ERBB4: variants seen among roughly 807,000 people sequenced by gnomAD.
ERBB4 encodes the protein receptor tyrosine-protein kinase erbB-4.
Under a neutral mutation model 158.0 loss-of-function variants are expected in ERBB4, and 42 were observed. That is an observed-to-expected ratio of 0.27 (90% CI 0.21 to 0.34). ERBB4 has a LOEUF of 0.34. Ranked by LOEUF, ERBB4 falls within the 10% of genes least tolerant of loss-of-function variation. ERBB4 has a pLI of 1.00. For missense variants in ERBB4, 1,333 were observed against 1,624.1 expected (o/e 0.82, Z 3.08); for synonymous variants, 583 against 558.7 (o/e 1.04, Z -0.61).
At chr2:211,863,201 A>G (rs762848598) in intron 3 of ERBB4, among the ~76,000 whole-genome samples, 6 of 149,732 alleles carry the variant, frequency 4.0e-5, no homozygotes, top group Non-Finnish European at 7.4e-5. Context: ...AAACGCACCA[A>G]TCAGTGCTCT....
chr2:212,274,502 T>C (rs1007595257), intron 1 of ERBB4, among the ~76,000 whole-genome samples: 5 of 151,832 alleles, frequency 3.3e-5, no homozygotes, highest in Admixed American at 1.3e-4. Context: ...CTCACCACAA[T>C]AGCAACTAGC....
chr2:212,527,770 T>C (rs1312295479), intron 1 of ERBB4, among the ~76,000 whole-genome samples: 1 of 151,808 alleles, frequency 6.6e-6, no homozygotes, highest in African/African-American at 2.4e-5. Flanking sequence ...TAGTTACATA[T>C]GTATACATGT....
chr2:212,326,620 T>G (rs2087850103), intron 1 of ERBB4, among the ~76,000 whole-genome samples: 1 of 150,710 alleles, frequency 6.6e-6, no homozygotes, highest in African/African-American at 2.4e-5. Context: ...GAAATGCTAT[T>G]TTATATAAAC....
At chr2:211,595,893 C>A (rs1209319185) in intron 19 of ERBB4, among the ~76,000 whole-genome samples, 1 of 152,128 alleles carries the variant, frequency 6.6e-6, no homozygotes, top group Non-Finnish European at 1.5e-5. Flanking sequence ...GTCCTGGAAC[C>A]AATCCCTCCC....
intron 1 of ERBB4, among the ~76,000 whole-genome samples, chr2:212,209,015 G>A (rs868682115): frequency 6.6e-6 from 1 of 152,028 alleles, no homozygotes; most frequent in African/African-American, 2.4e-5. Context: ...AAATCAGCTT[G>A]TATCTCAGAA....
chr2:211,623,027 AT>A (rs2069688079), intron 18 of ERBB4, among the ~76,000 whole-genome samples: 2 of 103,006 alleles, frequency 1.9e-5, no homozygotes, highest in South Asian at 3.1e-4. Context: ...ATATATATAT[AT>A]ATATATATAT....
rs983126679 is a variant in ERBB4 at position 211,507,572 on chromosome 2, G to A, written c.2487+54331C>T. Among the ~76,000 whole-genome samples, 4 of 152,074 alleles carry A rather than the reference G, an allele frequency of 2.6e-5. No individual in the cohort carries two copies. The South Asian group carries it at 8.3e-4, about 31-fold the overall frequency. ...ATACATAGACCAGTTAAACAGAATA[G>A]AGAACCCAGAAATAATCCCACATAC... On this transcript the variant is annotated intron_variant, in intron 20 of 27. Coordinates refer to ENST00000342788, the MANE Select transcript of ERBB4 (RefSeq NM_005235.3).
chr2:211,779,034 G>A (rs567576457), intron 4 of ERBB4: 9 of 152,232 alleles, frequency 5.9e-5, no homozygotes, highest in South Asian at 4.1e-4. Context: ...AAAAGGAATC[G>A]TTTGGATACA....
intron 3 of ERBB4, among the ~76,000 whole-genome samples, chr2:211,802,250 C>T (rs2076515809): frequency 7.5e-6 from 1 of 133,436 alleles, no homozygotes; most frequent in Non-Finnish European, 1.6e-5. Flanking sequence ...AAGAGCGAGA[C>T]TCAGTCTCCA....
At chr2:211,427,941 G>GAA (rs34071141) in intron 22 of ERBB4, among the ~76,000 whole-genome samples, 156 of 137,760 alleles carry the variant, frequency 1.1e-3, no homozygotes, top group African/African-American at 3.9e-3. Flanking sequence ...AATAAACCAG[G>GAA]AAAAAAAAAA....
intron 3 of ERBB4, among the ~76,000 whole-genome samples, chr2:211,866,646 A>G (rs1011698020): frequency 6.6e-6 from 1 of 152,188 alleles, no homozygotes; most frequent in Non-Finnish European, 1.5e-5. Flanking sequence ...AATAAACATT[A>G]AAAAACTTAA....
chr2:212,357,616 C>T lies in ERBB4; in HGVS notation c.82+180833G>A, dbSNP rs541929569. 2.0e-5 allele frequency among the ~76,000 whole-genome samples: 3 copies of T among 151,644 alleles called. No homozygotes were observed. In the Admixed American group the frequency reaches 2.0e-4, roughly 10 times the overall value. ...ACGTTTGCCCACAGAGAAGCCCAGA[C>T]ACTGAAAATGGTCTCATCAACACAA... On this transcript the variant is annotated intron_variant, in intron 1 of 27. Coordinates refer to ENST00000342788, the MANE Select transcript of ERBB4 (RefSeq NM_005235.3).
intron 1 of ERBB4, among the ~76,000 whole-genome samples, chr2:212,456,628 G>A (rs1319030034): frequency 2.0e-5 from 3 of 151,586 alleles, no homozygotes; most frequent in Non-Finnish European, 4.4e-5. Context: ...ATTCTTCTAG[G>A]AGTTTTTAAA....
intron 20 of ERBB4, among the ~76,000 whole-genome samples, chr2:211,487,186 C>T (rs1199937706): frequency 7.1e-6 from 1 of 139,982 alleles, no homozygotes; most frequent in Non-Finnish European, 1.5e-5. Flanking sequence ...GTGATGTTCC[C>T]CTTCCTGTGT....
chr2:211,982,958 C>T (rs1348160948), intron 2 of ERBB4, among the ~76,000 whole-genome samples: 1 of 152,156 alleles, frequency 6.6e-6, no homozygotes, highest in African/African-American at 2.4e-5. Context: ...TAGCATCTTA[C>T]ATTACAAAAC....
At chr2:211,706,601 C>CAAAAAAAAAAAAAAAA (rs201615846) in intron 9 of ERBB4, among the ~76,000 whole-genome samples, 4 of 94,462 alleles carry the variant, frequency 4.2e-5, no homozygotes, top group Non-Finnish European at 4.7e-5. Context: ...CTTAAAAAAA[C>CAAAAAAAAAAAAAAAA]AAAAAAAAAA....
At chr2:211,765,851 T>C (rs2075539125) in intron 4 of ERBB4, among the ~76,000 whole-genome samples, 1 of 152,236 alleles carries the variant, frequency 6.6e-6, no homozygotes, top group Non-Finnish European at 1.5e-5. Context: ...CACTGGCATA[T>C]GTTTTAAACG....
At chr2:211,492,034 A>T (rs1250442146) in intron 20 of ERBB4, among the ~76,000 whole-genome samples, 1 of 151,524 alleles carries the variant, frequency 6.6e-6, no homozygotes, top group Non-Finnish European at 1.5e-5. Flanking sequence ...TTCAGGACAT[A>T]CTGTATCACA....
At chr2:212,264,074 C>A (rs2085042859) in intron 1 of ERBB4, among the ~76,000 whole-genome samples, 1 of 152,012 alleles carries the variant, frequency 6.6e-6, no homozygotes, top group Admixed American at 6.6e-5. Context: ...ATGCTTATTG[C>A]CTTGGTTGAA....
Sources: allele counts gnomAD v4.1 joint callset (sites outside exome capture counted in the v4.1 genomes callset), GRCh38; gene constraint gnomAD v4.1.1; transcripts MANE v1.5; gene names NCBI Gene and HGNC (gene_info 2026-07-23, HGNC 2026-07-21).